TKTL1: variants seen among roughly 807,000 people sequenced by gnomAD.
TKTL1 encodes transketolase like 1.
Under a neutral mutation model 39.3 loss-of-function variants are expected in TKTL1, and 1 was observed. The observed-to-expected ratio is 0.03, with a 90% confidence interval of 0.01 to 0.12. The LOEUF is 0.12. Among genes scored for constraint, TKTL1 ranks in the 10% least tolerant of loss-of-function variants. The probability of loss-of-function intolerance (pLI) is 1.00; values close to 1 mark genes in which losing one functional copy is unlikely to be tolerated. For synonymous variants in TKTL1, 262 were observed against 193.8 expected, an observed-to-expected ratio of 1.35 and a Z score of -2.92; for missense variants, 575 against 509.6, an observed-to-expected ratio of 1.13 and a Z score of -1.24.
intron 5 of TKTL1, among the ~76,000 whole-genome samples, 162 bp downstream of exon 5, chrX:154,311,400 AGCTAGTGTCT>A (rs2067356627): frequency 8.9e-6 from 1 of 112,148 alleles, no homozygotes; most frequent in African/African-American, 3.2e-5. Flanking sequence ...TATTTTCACT[AGCTAGTGTCT>A]GCTTAGGATA....
chrX:154,296,694 G>A, intron 1 of TKTL1, among the ~76,000 whole-genome samples: 1 of 111,275 alleles, frequency 9.0e-6, no homozygotes, highest in South Asian at 3.7e-4. Flanking sequence ...TGGCTTCATA[G>A]GATGTTTCAA....
chrX:154,313,480 C>T (rs1466519049), intron 6 of TKTL1, among the ~76,000 whole-genome samples: 3 of 112,041 alleles, frequency 2.7e-5, no homozygotes, highest in Non-Finnish European at 5.6e-5. Flanking sequence ...AGTAAGGCGG[C>T]GAGCCTAGGG....
At chrX:154,301,409 T>C (rs1446512849) in intron 1 of TKTL1, among the ~76,000 whole-genome samples, 2 of 110,387 alleles carry the variant, frequency 1.8e-5, no homozygotes, top group East Asian at 5.7e-4. Context: ...CCCAGATACT[T>C]GGGAGGCCGA....
intron 1 of TKTL1, among the ~76,000 whole-genome samples, chrX:154,298,422 C>T (rs1024932671): frequency 8.9e-6 from 1 of 112,005 alleles, no homozygotes; most frequent in African/African-American, 3.3e-5. Flanking sequence ...TTATAAAGAA[C>T]CAGCTTTGGC....
chrX:154,325,710 C>T (rs782349097), intron 10 of TKTL1, among the ~76,000 whole-genome samples: 15 of 112,342 alleles, frequency 1.3e-4, no homozygotes, highest in Non-Finnish European at 2.4e-4. Flanking sequence ...TTATCTTGGC[C>T]GCAAGCTAAA....
At chrX:154,316,506 A>G (rs782042935) in intron 7 of TKTL1, among the ~76,000 whole-genome samples, 10 of 111,667 alleles carry the variant, frequency 9.0e-5, no homozygotes, top group South Asian at 3.7e-4. Context: ...AAACGCTGCA[A>G]TGTACCACTG....
intron 1 of TKTL1, 108 bp from the exon 2 acceptor site, chrX:154,305,196 T>TC (rs1264931676): frequency 5.9e-6 from 7 of 1,178,023 alleles, no homozygotes; most frequent in Non-Finnish European, 8.0e-6. Flanking sequence ...GTTGGATTCT[T>TC]CCCGGGCTGG....
At chrX:154,329,350 G>T (rs903616404) in intron 12 of TKTL1, among the ~76,000 whole-genome samples, 166 bp from the exon 13 acceptor site, 1 of 112,156 alleles carries the variant, frequency 8.9e-6, no homozygotes, top group African/African-American at 3.2e-5. Flanking sequence ...AGAGCAGTTT[G>T]GAAACTGGCA....
intron 5 of TKTL1, 44 bp downstream of exon 5, chrX:154,311,282 T>C: frequency 8.3e-7 from 1 of 1,206,618 alleles, no homozygotes; most frequent in Admixed American, 2.2e-5. Flanking sequence ...TAAAAGCATC[T>C]GTCCGCTCAG....
In TKTL1 at chrX:154,315,182, C is replaced by G; in HGVS notation, c.874C>G (p.Arg292Gly). Residue 292 changes from arginine to glycine, a missense_variant, in exon 7 of 13, where the codon CGG becomes GGG. Coordinates refer to ENST00000369915, the MANE Select transcript of TKTL1 (RefSeq NM_012253.4). Reference protein sequence around the residue: ...DYRVGDKIATRKACGLALAKL... With the variant: ...DYRVGDKIATGKACGLALAKL... Reference sequence around the variant, plus strand: ...TGTCTCTGTCTTCTAGATAGCTACTCGGAAAGCATGCGGTCTGGCTCTGGC... The same window carrying G: ...TGTCTCTGTCTTCTAGATAGCTACTGGGAAAGCATGCGGTCTGGCTCTGGC... 1 of 1,210,010 alleles carries G rather than the reference C, an allele frequency of 8.3e-7. No homozygotes were observed. Among genetic ancestry groups the G allele is most frequent in the Non-Finnish European group, 1.1e-6 (1 of 894,563 alleles).
intron 2 of TKTL1, among the ~76,000 whole-genome samples, chrX:154,306,029 G>A (rs373953809): frequency 2.7e-5 from 3 of 111,267 alleles, no homozygotes; most frequent in East Asian, 5.7e-4. Flanking sequence ...GCTAGGGGCC[G>A]GGTGCAGTGG....
At chrX:154,302,051 TCA>T (rs1410834159) in intron 1 of TKTL1, among the ~76,000 whole-genome samples, 57 of 110,993 alleles carry the variant, frequency 5.1e-4, no homozygotes, top group African/African-American at 1.8e-3. Flanking sequence ...ATTTGTGTCA[TCA>T]CACACAGTCC....
At chrX:154,311,517 T>A (rs904230881) in intron 5 of TKTL1, among the ~76,000 whole-genome samples, 2 of 111,427 alleles carry the variant, frequency 1.8e-5, no homozygotes, top group African/African-American at 6.5e-5. Flanking sequence ...CAGGGAACAA[T>A]CTCTACGGTT....
In TKTL1 at chrX:154,315,235, C is replaced by T. The variant is rs1233967862; in HGVS notation, c.927C>T (p.Val309=). 10 of 1,210,999 alleles carry T rather than the reference C, an allele frequency of 8.3e-6. No individual in the cohort carries two copies. Among genetic ancestry groups the T allele is most frequent in the East Asian group, 3.0e-5 (1 of 33,833 alleles). Residue 309 remains valine, a synonymous_variant, in exon 7 of 13, where the codon GTC becomes GTT. Coordinates refer to ENST00000369915, the MANE Select transcript of TKTL1 (RefSeq NM_012253.4). The stretch of plus-strand genomic sequence containing the variant: ...AGCTGGGCTACGCGAACAACAGAGT[C>T]GTTGTGCTGGATGGTGACACCAGGT... ...LAKLGYANNR[V]VVLDGDTRYS...
intron 7 of TKTL1, among the ~76,000 whole-genome samples, chrX:154,319,799 C>T (rs1157566076): frequency 9.1e-6 from 1 of 110,189 alleles, no homozygotes; most frequent in African/African-American, 3.3e-5. Flanking sequence ...TGAATGTAGA[C>T]AGAGTTGATC....
intron 7 of TKTL1, among the ~76,000 whole-genome samples, chrX:154,318,324 T>C (rs952056064): frequency 2.7e-5 from 3 of 110,990 alleles, no homozygotes; most frequent in Non-Finnish European, 5.7e-5. Context: ...CCATTAATGA[T>C]GACACTGGCT....
chrX:154,323,198 T>C lies in TKTL1; in HGVS notation c.1187-9T>C. The C allele has an allele frequency of 8.3e-7, 1 of 1,208,808 alleles. No individual in the cohort carries two copies. The highest frequency in any genetic ancestry group is 1.1e-6 in the Non-Finnish European group (1 of 894,431). ...TGCTCCTGTTTTCATCGGGCTCTGG[T>C]TCTCTCAGGTGACGATGGTGCTTCC... On this transcript the variant is annotated splice_polypyrimidine_tract_variant and intron_variant, in intron 8 of 12. Coordinates refer to ENST00000369915, the MANE Select transcript of TKTL1 (RefSeq NM_012253.4).
intron 8 of TKTL1, among the ~76,000 whole-genome samples, chrX:154,322,588 G>A (rs2067460478): frequency 9.0e-6 from 1 of 111,385 alleles, no homozygotes; most frequent in African/African-American, 3.3e-5. Context: ...GTTAGACAGT[G>A]GTCCTAGGCA....
intron 1 of TKTL1, among the ~76,000 whole-genome samples, chrX:154,303,470 A>G (rs1335791434): frequency 7.4e-5 from 7 of 94,640 alleles, no homozygotes; most frequent in East Asian, 3.2e-4. Context: ...GGCTCAAGCA[A>G]TCCTCCTGCA....
Sources: gnomAD v4.1 joint callset for allele counts (sites outside exome capture counted in the v4.1 genomes callset) on GRCh38, gnomAD v4.1.1 for gene constraint, MANE v1.5 for transcripts, NCBI Gene and HGNC (gene_info 2026-07-23, HGNC 2026-07-21) for gene names.